SERAC1: variants seen among roughly 807,000 people sequenced by gnomAD.
The protein encoded by SERAC1 is protein SERAC1.
Under a neutral mutation model 85.7 loss-of-function variants are expected in SERAC1, and 36 were observed. That is an observed-to-expected ratio of 0.42 (90% CI 0.32 to 0.55). The LOEUF (loss-of-function observed/expected upper bound fraction) is 0.55. Ranked by LOEUF, SERAC1 falls within the 20% of genes least tolerant of loss-of-function variation. The pLI, the probability that SERAC1 is intolerant of heterozygous loss-of-function variation, is 0.11. For missense variants in SERAC1, 629 were observed against 796.2 expected (o/e 0.79, Z 2.53); for synonymous variants, 242 against 265.3 (o/e 0.91, Z 0.85).
chr6:158,150,286 A>C (rs998384201), intron 4 of SERAC1, among the ~76,000 whole-genome samples, 167 bp downstream of exon 4: 1 of 152,198 alleles, frequency 6.6e-6, no homozygotes, highest in Non-Finnish European at 1.5e-5. Context: ...CGGAAGCCTA[A>C]ACTTTGGTCC....
In SERAC1 at chr6:158,162,984, A is replaced by G. The variant is rs528684510; in HGVS notation, c.-1-4620T>C. On this transcript the variant is annotated intron_variant, in intron 1 of 16. Transcript: ENST00000647468. ...AAGCTGAGACTTGGGAAGTACGTGC[A>G]CATCGAGGCTCCTGTCTTTTTGCTC... is the stretch of plus-strand genomic sequence containing the variant. 2.6e-5 allele frequency among the ~76,000 whole-genome samples: 4 copies of G among 152,336 alleles called. No homozygotes were observed. In the South Asian group the frequency reaches 8.3e-4, roughly 32 times the overall value.
In SERAC1 at chr6:158,117,252, T is replaced by G. The variant is rs1014759699; in HGVS notation, c.1403+475A>C. 4.2e-6 allele frequency: 2 copies of G among 473,186 alleles called. No homozygotes were observed. The highest frequency in any genetic ancestry group is 1.9e-5 in the African/African-American group (1 of 51,518). 29.3% of individuals were successfully genotyped at this position (473,186 alleles called of 1,614,324 possible). A position where few individuals can be genotyped will look rare whatever the true frequency, so the allele number is the denominator to read the frequency against. ...GACTGGTCTAAGACTGCACAGCAAA[T>G]CAAAGGTAGGATCCGGCTACTCTCA... On this transcript the variant is annotated intron_variant, in intron 13 of 16. Transcript: ENST00000647468. This position sits in a 1 kb window ranked among gnomAD's most constrained non-coding sequence, Gnocchi z 4.3.
At chr6:158,167,173 C>G (rs1179387324) in intron 1 of SERAC1, among the ~76,000 whole-genome samples, 1 of 132,734 alleles carries the variant, frequency 7.5e-6, no homozygotes, top group Non-Finnish European at 1.5e-5. Context: ...AAAGAGGGAA[C>G]TAAATGGAAG....
At chr6:158,138,409 T>C (rs754141236) in intron 8 of SERAC1, among the ~76,000 whole-genome samples, 4 of 123,154 alleles carry the variant, frequency 3.2e-5, no homozygotes, top group Non-Finnish European at 6.4e-5. Context: ...AACTCCAGCC[T>C]GGGTGACAAG....
chr6:158,114,688 T>TTATAAAATGAGATAATACATTGAAGGAA, intron 15 of SERAC1, 101 bp downstream of exon 15: 1 of 1,434,952 alleles, frequency 7.0e-7, no homozygotes, highest in Non-Finnish European at 9.5e-7. Flanking sequence ...TATATACAAA[T>TTATAAAATGAGATAATACATTGAAGGAA]TATAAAATGA....
chr6:158,116,086 C>T, intron 14 of SERAC1, 99 bp downstream of exon 14: 1 of 946,332 alleles, frequency 1.1e-6, no homozygotes, highest in East Asian at 2.5e-5. Context: ...AAGGGAGCCG[C>T]TATTAAGTAA....
chr6:158,138,426 ACT>A (rs1784844256), intron 8 of SERAC1, among the ~76,000 whole-genome samples: 2 of 76,964 alleles, frequency 2.6e-5, no homozygotes, highest in South Asian at 9.2e-4. Flanking sequence ...CAAGAGGGAG[ACT>A]CTGTCTCAAA....
chr6:158,154,177 A>G (rs993921848), intron 3 of SERAC1, among the ~76,000 whole-genome samples: 8 of 150,778 alleles, frequency 5.3e-5, no homozygotes, highest in Non-Finnish European at 5.9e-5. Flanking sequence ...AAAAAAAAAA[A>G]AAAGAATCCT....
Position 158,144,291 on chromosome 6 carries a change from T to C in SERAC1, c.609+8A>G. The C allele has an allele frequency of 6.2e-7, 1 of 1,600,904 alleles. No individual in the cohort carries two copies. The highest frequency in any genetic ancestry group is 8.5e-7 in the Non-Finnish European group (1 of 1,170,822). ...TCTCTAAATTACTATTATTATTGTT[T>C]TACTTACTTCTTTTAAAGATGGCAA... On this transcript the variant is annotated splice_region_variant and intron_variant, in intron 7 of 16. Coordinates refer to ENST00000647468, the MANE Select transcript of SERAC1 (RefSeq NM_032861.4).
Position 158,133,155 on chromosome 6 carries a change from T to C in SERAC1, c.739-2669A>G, listed in dbSNP as rs553794439. Among the ~76,000 whole-genome samples, 5 of 151,782 alleles carry C rather than the reference T, an allele frequency of 3.3e-5. No homozygotes were observed. The East Asian group carries it at 9.7e-4, about 30-fold the overall frequency. ...AACCCCATCTCTACAAAAAATTAGCTGGGCAAGGTGGTGCACACCTGCTGT... is the reference window on the plus strand; with the variant it reads ...AACCCCATCTCTACAAAAAATTAGCCGGGCAAGGTGGTGCACACCTGCTGT... On this transcript the variant is annotated intron_variant, in intron 8 of 16. Coordinates refer to ENST00000647468, the MANE Select transcript of SERAC1 (RefSeq NM_032861.4).
intron 10 of SERAC1, among the ~76,000 whole-genome samples, chr6:158,121,492 C>A (rs1784421433): frequency 6.6e-6 from 1 of 152,170 alleles, no homozygotes; most frequent in South Asian, 2.1e-4. Context: ...TTTTAATAAA[C>A]TAATGTATGT....
In SERAC1 at chr6:158,146,812, G is replaced by A. The variant is rs114627933; in HGVS notation, c.457C>T (p.Arg153Trp). ...CAGTGATGGGTCTCCGACATTTCCC[G>A]CACAGCCTCGAGTCGCGTGGTTTTG... ...DDKTTRLEAV[R>W]EMSETHHWHD... is the part of the protein sequence containing the mutation. The change falls in exon 6 of 17, where the codon CGG becomes TGG. Residue 153 changes from arginine (R) to tryptophan (W), a missense_variant. Coordinates refer to ENST00000647468, the MANE Select transcript of SERAC1 (RefSeq NM_032861.4). 1.2e-5 allele frequency: 20 copies of A among 1,613,732 alleles called. No individual in the cohort carries two copies. The highest frequency in any genetic ancestry group is 2.2e-5 in the East Asian group (1 of 44,854).
In SERAC1 at chr6:158,119,023, C is replaced by G; in HGVS notation, c.1308+6G>C. 1 of 1,610,640 alleles carries G rather than the reference C, an allele frequency of 6.2e-7. No individual in the cohort carries two copies. Among genetic ancestry groups the G allele is most frequent in the Non-Finnish European group, 8.5e-7 (1 of 1,178,012 alleles). ...CAACCAGGGCCAGAGTCAGTGGCTC[C>G]CTTACCTTGGGCCAGCACGTCGTAT... is the stretch of plus-strand genomic sequence containing the variant. On this transcript the variant is annotated splice_donor_region_variant and intron_variant, in intron 12 of 16. Transcript: ENST00000647468. This position sits in a 1 kb window ranked among gnomAD's most constrained non-coding sequence, Gnocchi z 4.5.
At chr6:158,147,012 G>C in intron 5 of SERAC1, 99 bp from the exon 6 acceptor site, 1 of 1,256,212 alleles carries the variant, frequency 8.0e-7, no homozygotes, top group Non-Finnish European at 1.1e-6. Flanking sequence ...ATCTACAATT[G>C]GAGAGTTAAA....
chr6:158,158,931 T>C (rs911697005), intron 1 of SERAC1: 1 of 152,356 alleles, frequency 6.6e-6, no homozygotes, highest in African/African-American at 2.4e-5. Flanking sequence ...AGAGCTGTCA[T>C]CCACCTAATT....
chr6:158,129,978 G>A (rs181155615), intron 9 of SERAC1, among the ~76,000 whole-genome samples: 372 of 152,252 alleles, frequency 2.4e-3, no homozygotes, highest in Admixed American at 6.4e-3. Flanking sequence ...TTACAGGCGT[G>A]AGCCACCGCG....
rs759282784 is a variant in SERAC1, at chr6:158,144,337, A to G, written c.571T>C (p.Phe191Leu). 1.2e-6 allele frequency: 2 copies of G among 1,613,240 alleles called. No homozygotes were observed. The change falls in exon 7 of 17, where the codon TTT becomes CTT. Residue 191 changes from phenylalanine to leucine, a missense_variant. Coordinates refer to ENST00000647468, the MANE Select transcript of SERAC1 (RefSeq NM_032861.4). Reference sequence around the variant, plus strand: ...GGCAAAGGAGGTGGTAGGAGAAAAAAGCGAAGATCACTCTCTTCGCTTCGT... The same window carrying G: ...GGCAAAGGAGGTGGTAGGAGAAAAAGGCGAAGATCACTCTCTTCGCTTCGT... The part of the protein sequence containing the change: ...LARSEESDLR[F>L]FLLPPPLPSL...
intron 1 of SERAC1, chr6:158,159,209 T>C (rs1251666613): frequency 6.6e-6 from 1 of 152,170 alleles, no homozygotes; most frequent in African/African-American, 2.4e-5. Flanking sequence ...GAGCATTTCT[T>C]GTTCTTTCAC....
chr6:158,163,490 A>C (rs1248320311), intron 1 of SERAC1, among the ~76,000 whole-genome samples: 1 of 152,192 alleles, frequency 6.6e-6, no homozygotes, highest in Non-Finnish European at 1.5e-5. Flanking sequence ...TTGAGACCAC[A>C]AATCAACTGA....
Sources: gnomAD v4.1 joint callset for allele counts (sites outside exome capture counted in the v4.1 genomes callset) on GRCh38, gnomAD v4.1.1 for gene constraint, Gnocchi (gnomAD v3.1) non-coding constraint, MANE v1.5 for transcripts, NCBI Gene and HGNC (gene_info 2026-07-23, HGNC 2026-07-21) for gene names.